The following NDE1 variants were observed in gnomAD, a reference collection of about 807,000 sequenced individuals.
NDE1 encodes the protein nudE neurodevelopment protein 1.
In NDE1, 28 loss-of-function variants were observed where a neutral mutation model predicts 43.4. The ratio of observed to expected loss-of-function variants is 0.65; its 90% confidence interval spans 0.48 to 0.89. The LOEUF is 0.89. NDE1 is among the 40% of genes least tolerant of loss of function. The pLI, the probability that NDE1 is intolerant of heterozygous loss-of-function variation, is 0.00. For missense variants in NDE1, 441 were observed against 434.1 expected (o/e 1.02, Z -0.14); for synonymous variants, 184 against 172.0 (o/e 1.07, Z -0.55).
chr16:15,707,149 C>T (rs2039501449), intron 8 of NDE1, among the ~76,000 whole-genome samples: 1 of 152,112 alleles, frequency 6.6e-6, no homozygotes, highest in African/African-American at 2.4e-5. Context: ...AGCGATTCTC[C>T]TGCCTCAGCC....
At chr16:15,664,312 G>A (rs376468537) in intron 1 of NDE1, among the ~76,000 whole-genome samples, 1 of 152,040 alleles carries the variant, frequency 6.6e-6, no homozygotes, top group African/African-American at 2.4e-5. Flanking sequence ...TTTAGCTTCA[G>A]ATTTTTGGCA....
intron 5 of NDE1, among the ~76,000 whole-genome samples, chr16:15,690,289 C>T (rs956255478): frequency 6.7e-6 from 1 of 148,392 alleles, no homozygotes; most frequent in Non-Finnish European, 1.5e-5. Flanking sequence ...CCTCCCATCT[C>T]GACCTCTCAG....
intron 1 of NDE1, 21 bp downstream of exon 1, chr16:15,650,315 G>C (rs1434375214): frequency 3.7e-6 from 1 of 267,814 alleles, no homozygotes; most frequent in Non-Finnish European, 7.7e-6. Context: ...CGCTGCGCGG[G>C]GCTGGGGTCG....
intron 1 of NDE1, among the ~76,000 whole-genome samples, chr16:15,650,632 C>G (rs532587295): frequency 1.5e-3 from 222 of 152,372 alleles, no homozygotes; most frequent in Non-Finnish European, 2.5e-3. Context: ...TCTTCTCCTT[C>G]CGGGACTTCC....
chr16:15,717,006 C>T (rs1455520638), intron 8 of NDE1: 8 of 986,046 alleles, frequency 8.1e-6, no homozygotes, highest in East Asian at 4.7e-5. Flanking sequence ...CACAACATAC[C>T]TGCACTGTAG....
intron 8 of NDE1, chr16:15,718,815 C>T (rs1414686801): frequency 2.5e-5 from 10 of 407,992 alleles, no homozygotes; most frequent in Non-Finnish European, 3.7e-5. Context: ...GAGGACGCTT[C>T]GTCAGCAGCA....
At chr16:15,714,939 C>A (rs1284202501) in intron 8 of NDE1, 3 of 1,614,046 alleles carry the variant, frequency 1.9e-6, no homozygotes, top group South Asian at 1.1e-5. Flanking sequence ...GTTCACCTCG[C>A]GGCCCATGGC....
chr16:15,712,748 A>G (rs559526094), intron 8 of NDE1: 1 of 152,348 alleles, frequency 6.6e-6, no homozygotes, highest in East Asian at 1.9e-4. Flanking sequence ...CAAGTGAATT[A>G]GGCCAGAGGC....
At chr16:15,694,091 T>C in intron 6 of NDE1, 74 bp from the exon 7 acceptor site, 1 of 1,557,886 alleles carries the variant, frequency 6.4e-7, no homozygotes, top group Non-Finnish European at 8.8e-7. Context: ...CCCGTGGTTT[T>C]GGATCTAGCG....
intron 4 of NDE1, among the ~76,000 whole-genome samples, chr16:15,682,335 C>A (rs1042044027): frequency 2.6e-5 from 4 of 152,106 alleles, no homozygotes; most frequent in Non-Finnish European, 5.9e-5. Context: ...TTTGTAAAGA[C>A]CGGGTTTCTC....
At chr16:15,703,913 G>A in intron 8 of NDE1, 1 of 1,594,474 alleles carries the variant, frequency 6.3e-7, no homozygotes, top group Non-Finnish European at 8.6e-7. Context: ...CTTTGTTCTG[G>A]GTTGTTGTTG....
chr16:15,672,451 A>T (rs1018206515), intron 3 of NDE1, among the ~76,000 whole-genome samples: 6 of 152,066 alleles, frequency 3.9e-5, no homozygotes, highest in African/African-American at 1.4e-4. Context: ...CAGTGAAGAA[A>T]CAGGGTACCT....
At chr16:15,665,094 T>C (rs764862173) in intron 2 of NDE1, among the ~76,000 whole-genome samples, 6 of 151,802 alleles carry the variant, frequency 4.0e-5, no homozygotes, top group Non-Finnish European at 5.9e-5. Context: ...GGTCTCGCTA[T>C]GTTGCCCAGG....
In NDE1 at chr16:15,724,729, C is replaced by T. The variant is rs150883363; in HGVS notation, c.*478C>T. 89 of 1,614,138 alleles carry T rather than the reference C, an allele frequency of 5.5e-5. No homozygotes were observed. The highest frequency in any genetic ancestry group is 2.2e-4 in the South Asian group (20 of 91,084). The stretch of plus-strand genomic sequence containing the variant: ...GTCCAGCTGGTCTTGCAGGCTGTTC[C>T]GCTCCTCCTCCAGCTGGCGCAGCTT... On this transcript the variant is annotated 3_prime_UTR_variant, in exon 9 of 9. Coordinates refer to ENST00000396354, the MANE Select transcript of NDE1 (RefSeq NM_017668.3).
chr16:15,669,213 A>G (rs1418952710), intron 3 of NDE1, among the ~76,000 whole-genome samples: 3 of 145,562 alleles, frequency 2.1e-5, no homozygotes, highest in Non-Finnish European at 4.5e-5. Flanking sequence ...TTTTTTTTTG[A>G]GATGGAGTCT....
At chr16:15,681,300 C>T (rs1172537640) in intron 4 of NDE1, among the ~76,000 whole-genome samples, 1 of 103,140 alleles carries the variant, frequency 9.7e-6, no homozygotes, top group East Asian at 2.8e-4. Flanking sequence ...GGGCCTCGCT[C>T]CATTGCCCAG....
intron 8 of NDE1, among the ~76,000 whole-genome samples, chr16:15,709,541 C>T (rs1433291367): frequency 6.6e-6 from 1 of 152,168 alleles, no homozygotes; most frequent in Non-Finnish European, 1.5e-5. Flanking sequence ...TCTCGAACTC[C>T]TGACCTCAAG....
intron 2 of NDE1, among the ~76,000 whole-genome samples, chr16:15,666,897 C>T (rs2037334510): frequency 6.6e-6 from 1 of 152,170 alleles, no homozygotes; most frequent in Non-Finnish European, 1.5e-5. Context: ...GCCCTTCCTA[C>T]TTTCTTTATT....
chr16:15,669,612 A>G (rs1274627242), intron 3 of NDE1, among the ~76,000 whole-genome samples: 1 of 151,840 alleles, frequency 6.6e-6, no homozygotes, highest in Non-Finnish European at 1.5e-5. Context: ...TACCCGCCTT[A>G]GCCTCCCAAA....
Sources: gnomAD v4.1 joint callset for allele counts (sites outside exome capture counted in the v4.1 genomes callset) on GRCh38, gnomAD v4.1.1 for gene constraint, MANE v1.5 for transcripts, NCBI Gene and HGNC (gene_info 2026-07-23, HGNC 2026-07-21) for gene names.